Variants in TRPM7 observed in about 807,000 individuals in gnomAD.
The protein encoded by TRPM7 is transient receptor potential cation channel subfamily M member 7, also known as LTRPC ion channel family member 7.
A neutral mutation model predicts 229.7 loss-of-function variants in TRPM7; 134 were observed. The ratio of observed to expected loss-of-function variants is 0.58; its 90% CI spans 0.51 to 0.67. The LOEUF (loss-of-function observed/expected upper bound fraction) is 0.67. TRPM7 is among the 30% of genes least tolerant of loss of function. TRPM7 has a pLI of 0.00. For missense variants in TRPM7, 1,901 were observed against 2,210.0 expected (o/e 0.86, Z 2.80); for synonymous variants, 699 against 715.2 (o/e 0.98, Z 0.36).
At chr15:50,589,754 T>G (rs2059437045) in intron 26 of TRPM7, 98 bp from the exon 27 acceptor site, 4 of 757,914 alleles carry the variant, frequency 5.3e-6, no homozygotes, top group Non-Finnish European at 6.4e-6. Flanking sequence ...AGGTTTATGC[T>G]GTTTTTCAAG....
chr15:50,607,478 A>C (rs1279109972), intron 19 of TRPM7, 150 bp from the exon 20 acceptor site: 5 of 660,164 alleles, frequency 7.6e-6, no homozygotes, highest in East Asian at 5.8e-5. Context: ...TTTTAGAAAT[A>C]TCTCTTCTTC....
chr15:50,570,181 A>C (rs760311586), intron 36 of TRPM7, 26 bp from the exon 37 acceptor site: 1 of 1,499,712 alleles, frequency 6.7e-7, no homozygotes, highest in Admixed American at 1.9e-5. Flanking sequence ...TAAAAAAGAC[A>C]AATAATTTAT....
intron 7 of TRPM7, among the ~76,000 whole-genome samples, chr15:50,635,319 A>AAAAT (rs2060861182): frequency 2.7e-5 from 1 of 37,022 alleles, no homozygotes; most frequent in Non-Finnish European, 5.3e-5. Flanking sequence ...TCCCTCACAT[A>AAAAT]AAAAAAAAAA....
intron 28 of TRPM7, among the ~76,000 whole-genome samples, chr15:50,585,222 C>T (rs187351376): frequency 0.03 from 4,535 of 152,044 alleles, 249 homozygotes; most frequent in African/African-American, 0.1. Flanking sequence ...CCACCGCGCC[C>T]GGCTAATTTT....
intron 38 of TRPM7, among the ~76,000 whole-genome samples, chr15:50,569,168 G>C (rs2053753687): frequency 6.6e-6 from 1 of 152,068 alleles, no homozygotes; most frequent in Non-Finnish European, 1.5e-5. Flanking sequence ...CTGAGTAGCT[G>C]GGACTACAGG....
At chr15:50,598,738 G>C (rs1377920316) in intron 22 of TRPM7, among the ~76,000 whole-genome samples, 16 of 152,196 alleles carry the variant, frequency 1.1e-4, no homozygotes, top group Non-Finnish European at 4.4e-5. Context: ...CTTTCCTCCT[G>C]TTGCTAATGA....
chr15:50,673,308 G>C (rs914188990), intron 1 of TRPM7, among the ~76,000 whole-genome samples: 5 of 152,092 alleles, frequency 3.3e-5, no homozygotes, highest in African/African-American at 1.2e-4. Context: ...GAAACAGGTA[G>C]TGTTTAGTTA....
Position 50,613,753 on chromosome 15 carries a change from A to C in TRPM7, c.1724T>G (p.Met575Arg). The change falls in exon 15 of 39, where the codon ATG becomes AGG. Residue 575 changes from methionine to arginine, a missense_variant. Met to Arg is a moderately conservative substitution (Grantham distance 91, BLOSUM62 -1). Transcript: ENST00000646667. Reference protein sequence around the residue: ...FGNRADKKEKMRHNHFIKTAQ... With the variant: ...FGNRADKKEKRRHNHFIKTAQ... ...TGTCTTAATGAAATGGTTATGCCTC[A>C]TTTTTTCCTTTTTATCTGCCCTATT... 2 of 1,613,722 alleles carry C rather than the reference A, an allele frequency of 1.2e-6. No individual in the cohort carries two copies. Among genetic ancestry groups the C allele is most frequent in the Non-Finnish European group, 8.5e-7 (1 of 1,179,836 alleles).
intron 3 of TRPM7, among the ~76,000 whole-genome samples, chr15:50,651,473 G>A (rs975403513): frequency 2.6e-5 from 4 of 151,564 alleles, no homozygotes; most frequent in South Asian, 2.1e-4. Context: ...GTGAAACCCC[G>A]TCTGTAATAA....
intron 12 of TRPM7, among the ~76,000 whole-genome samples, 176 bp from the exon 13 acceptor site, chr15:50,619,974 AATCTT>A (rs1186507196): frequency 1.3e-5 from 2 of 152,350 alleles, no homozygotes; most frequent in East Asian, 3.9e-4. Flanking sequence ...AAAAACAAAT[AATCTT>A]AAGAGTATCA....
At chr15:50,570,722 G>A (rs972570609) in intron 36 of TRPM7, among the ~76,000 whole-genome samples, 5 of 151,288 alleles carry the variant, frequency 3.3e-5, no homozygotes, top group African/African-American at 1.2e-4. Flanking sequence ...ACATGGTGGG[G>A]GGCGCCTGTA....
chr15:50,614,101 T>C (rs767582440), intron 14 of TRPM7, 22 bp downstream of exon 14: 2 of 1,576,288 alleles, frequency 1.3e-6, no homozygotes, highest in East Asian at 2.2e-5. Flanking sequence ...TATATATAGA[T>C]TTCCCCACAA....
intron 1 of TRPM7, among the ~76,000 whole-genome samples, chr15:50,674,686 T>C (rs1041275560): frequency 3.3e-5 from 5 of 152,196 alleles, no homozygotes; most frequent in Admixed American, 1.3e-4. Flanking sequence ...TCTTTCAGCT[T>C]GAAGAAATTC....
chr15:50,611,855 C>CA (rs2060071069), intron 16 of TRPM7, among the ~76,000 whole-genome samples: 1 of 152,236 alleles, frequency 6.6e-6, no homozygotes. Flanking sequence ...AAAACTTCTA[C>CA]AAACTACTTT....
intron 10 of TRPM7, 27 bp from the exon 11 acceptor site, chr15:50,628,276 A>ACTG: frequency 6.7e-7 from 1 of 1,488,102 alleles, no homozygotes; most frequent in East Asian, 2.3e-5. Flanking sequence ...AATAGTTGAC[A>ACTG]GGTTCAATTA....
intron 1 of TRPM7, 81 bp from the exon 2 acceptor site, chr15:50,663,127 A>C: frequency 9.0e-7 from 1 of 1,107,146 alleles, no homozygotes; most frequent in Non-Finnish European, 1.3e-6. Context: ...AAACACATAA[A>C]CAGTTCTTTT....
intron 11 of TRPM7, among the ~76,000 whole-genome samples, chr15:50,625,592 T>G (rs1236519384): frequency 6.6e-6 from 1 of 151,902 alleles, no homozygotes; most frequent in East Asian, 1.9e-4. Flanking sequence ...TTTTTCTTTT[T>G]CTTTATTTTT....
intron 30 of TRPM7, among the ~76,000 whole-genome samples, chr15:50,579,806 T>C (rs1323822037): frequency 6.6e-6 from 1 of 152,184 alleles, no homozygotes; most frequent in African/African-American, 2.4e-5. Context: ...TAAAAAAAAT[T>C]ATTTGTTTTG....
chr15:50,574,680 C>T lies in TRPM7; in HGVS notation c.5059G>A (p.Ala1687Thr), dbSNP rs747604108. ...QQRAAQKLTFAFNQMKPKSIP... is the reference protein window; with the variant it reads ...QQRAAQKLTFTFNQMKPKSIP... ...GATTTGGGTTTCATTTGATTAAAGG[C>T]AAACGTAAGCTTTTGTGCTGCTCTC... is the stretch of plus-strand genomic sequence containing the variant. Residue 1687 changes from alanine (A) to threonine (T), a missense_variant, in exon 35 of 39, where the codon GCC (alanine) becomes ACC (threonine). Ala to Thr is a moderately conservative substitution (Grantham distance 58). Transcript: ENST00000646667. The T allele has an allele frequency of 1.2e-6, 2 of 1,613,804 alleles. No homozygotes were observed. The highest frequency in any genetic ancestry group is 1.7e-5 in the Admixed American group (1 of 59,992).
Sources: gnomAD v4.1 joint callset for allele counts (sites outside exome capture counted in the v4.1 genomes callset) on GRCh38, gnomAD v4.1.1 for gene constraint, MANE v1.5 for transcripts, NCBI Gene and HGNC (gene_info 2026-07-23, HGNC 2026-07-21) for gene names.